ASTN2: variants seen among roughly 807,000 people sequenced by gnomAD.
ASTN2 encodes the protein astrotactin 2.
A neutral mutation model predicts 139.8 loss-of-function variants in ASTN2; 54 were observed. That is an observed-to-expected ratio of 0.39 (90% CI 0.31 to 0.48). ASTN2 has a LOEUF of 0.48. Among genes scored for constraint, ASTN2 ranks in the 20% least tolerant of loss-of-function variants. ASTN2 has a pLI of 0.95. For missense variants in ASTN2, 1,565 were observed against 1,725.1 expected, an observed-to-expected ratio of 0.91 and a Z score of 1.64; for synonymous variants, 756 against 719.5, an observed-to-expected ratio of 1.05 and a Z score of -0.81.
chr9:117,151,427 T>C (rs1246144423), intron 3 of ASTN2, among the ~76,000 whole-genome samples: 1 of 152,106 alleles, frequency 6.6e-6, no homozygotes, highest in Admixed American at 6.5e-5. Context: ...GTGGATGCTG[T>C]ATCCAGGGCC....
intron 7 of ASTN2, among the ~76,000 whole-genome samples, chr9:116,995,446 T>G (rs1458156717): frequency 2.6e-5 from 4 of 152,252 alleles, no homozygotes; most frequent in Non-Finnish European, 5.9e-5. Flanking sequence ...TCATCTTTCA[T>G]GTACTAATTC....
chr9:117,362,156 T>C (rs902354041), intron 1 of ASTN2, among the ~76,000 whole-genome samples: 2 of 152,164 alleles, frequency 1.3e-5, no homozygotes, highest in Non-Finnish European at 1.5e-5. Context: ...GAAGTTTTAA[T>C]AGAGACGGGG....
At chr9:117,351,811 G>T (rs1829399721) in intron 1 of ASTN2, among the ~76,000 whole-genome samples, 2 of 152,214 alleles carry the variant, frequency 1.3e-5, no homozygotes, top group South Asian at 2.1e-4. Flanking sequence ...TGGATGGGGG[G>T]TGCTATAGCC....
chr9:116,803,517 TATATA>T (rs1446724809), intron 13 of ASTN2, among the ~76,000 whole-genome samples: 1,467 of 7,712 alleles, frequency 0.19, 33 homozygotes, highest in Non-Finnish European at 0.23. Context: ...TATATATATA[TATATA>T]TTTTTTTTTT....
intron 1 of ASTN2, among the ~76,000 whole-genome samples, chr9:117,378,886 G>A (rs1830193407): frequency 6.6e-6 from 1 of 152,176 alleles, no homozygotes; most frequent in Non-Finnish European, 1.5e-5. Context: ...GATCCTTCAT[G>A]AATGGTTTAG....
chr9:116,698,873 C>G lies in ASTN2; in HGVS notation c.2806+26898G>C. 6.2e-7 allele frequency: 1 copy of G among 1,614,232 alleles called. No individual in the cohort carries two copies. On this transcript the variant is annotated intron_variant, in intron 16 of 22. Coordinates refer to ENST00000313400, the MANE Select transcript of ASTN2 (RefSeq NM_001365068.1). The surrounding 1 kb of genome is among the most constrained non-coding windows in gnomAD (Gnocchi z 4.4). ...GAATGTTCAATCTTCCAGTCAGTCTCTACGTGACCAGTCAAGGTGAAGTAC... is the reference window on the plus strand; with the variant it reads ...GAATGTTCAATCTTCCAGTCAGTCTGTACGTGACCAGTCAAGGTGAAGTAC...
chr9:116,491,352 T>A (rs73657143), intron 19 of ASTN2, among the ~76,000 whole-genome samples: 3,310 of 152,318 alleles, frequency 0.022, 129 homozygotes, highest in African/African-American at 0.075. Flanking sequence ...ATAGCTGAGA[T>A]TAGAACCCCT....
intron 9 of ASTN2, 71 bp downstream of exon 9, chr9:116,976,043 C>T: frequency 6.9e-7 from 1 of 1,451,604 alleles, no homozygotes; most frequent in Non-Finnish European, 9.6e-7. Flanking sequence ...TCTAAGGATC[C>T]ATGACCACAT....
intron 11 of ASTN2, among the ~76,000 whole-genome samples, chr9:116,859,688 C>T (rs573331466): frequency 2.4e-4 from 36 of 152,314 alleles, no homozygotes; most frequent in South Asian, 6.2e-4. Flanking sequence ...TACCAGGCTA[C>T]GCCCATGAGT....
intron 3 of ASTN2, among the ~76,000 whole-genome samples, chr9:117,175,256 T>A (rs1217842952): frequency 1.3e-5 from 2 of 152,134 alleles, no homozygotes; most frequent in African/African-American, 4.8e-5. Flanking sequence ...AAGTCTGTGA[T>A]ATATGTATAG....
chr9:116,737,879 G>A (rs1350260903), intron 13 of ASTN2, among the ~76,000 whole-genome samples: 1 of 152,136 alleles, frequency 6.6e-6, no homozygotes, highest in South Asian at 2.1e-4. Context: ...GCGGGGGAAG[G>A]TTGGAAGAGG....
At chr9:116,516,154 T>G (rs1850639457) in intron 19 of ASTN2, among the ~76,000 whole-genome samples, 2 of 152,160 alleles carry the variant, frequency 1.3e-5, no homozygotes, top group African/African-American at 4.8e-5. Context: ...ACCTGGAAAC[T>G]TCCAGGGGAA....
chr9:116,655,206 A>G (rs1858141672), intron 16 of ASTN2, among the ~76,000 whole-genome samples: 1 of 152,202 alleles, frequency 6.6e-6, no homozygotes, highest in South Asian at 2.1e-4. Context: ...TATGATCTAG[A>G]TGAGAGTTAA....
chr9:116,820,599 T>C lies in ASTN2; in HGVS notation c.2207+18A>G. The C allele has an allele frequency of 1.2e-6, 2 of 1,610,276 alleles. No individual in the cohort carries two copies. The highest frequency in any genetic ancestry group is 1.1e-5 in the South Asian group (1 of 90,486). ...CTTCTGTAAATGGGGCACCTGGGCC[T>C]TGGGGACAGAGACTCACCCGCAGAA... On this transcript the variant is annotated intron_variant, in intron 12 of 22. Transcript: ENST00000313400.
At chr9:117,355,838 G>C (rs1020008071) in intron 1 of ASTN2, among the ~76,000 whole-genome samples, 1 of 152,150 alleles carries the variant, frequency 6.6e-6, no homozygotes, top group Non-Finnish European at 1.5e-5. Flanking sequence ...GGGGACATGG[G>C]AGCAGCTCAG....
At chr9:117,349,804 A>G (rs116867038) in intron 1 of ASTN2, among the ~76,000 whole-genome samples, 1,896 of 152,340 alleles carry the variant, frequency 0.012, 21 homozygotes, top group Non-Finnish European at 0.021. Flanking sequence ...CCCTGATATG[A>G]TATGATACAA....
intron 10 of ASTN2, among the ~76,000 whole-genome samples, chr9:116,942,001 A>AG (rs1835248240): frequency 6.6e-6 from 1 of 151,854 alleles, no homozygotes; most frequent in Admixed American, 6.6e-5. Context: ...AAAAAAAAAA[A>AG]AAAAGTCCCT....
intron 19 of ASTN2, among the ~76,000 whole-genome samples, chr9:116,507,325 A>T (rs1217640173): frequency 1.3e-5 from 2 of 152,176 alleles, no homozygotes; most frequent in Non-Finnish European, 2.9e-5. Flanking sequence ...AAGACCAATT[A>T]AGTGAATCTC....
At chr9:116,760,296 T>C (rs1405434297) in intron 13 of ASTN2, among the ~76,000 whole-genome samples, 3 of 152,174 alleles carry the variant, frequency 2.0e-5, no homozygotes, top group African/African-American at 7.2e-5. Context: ...AGACTATTTT[T>C]TGAACAGAGA....
Sources: gnomAD v4.1 joint callset for allele counts (sites outside exome capture counted in the v4.1 genomes callset) on GRCh38, gnomAD v4.1.1 for gene constraint, Gnocchi (gnomAD v3.1) non-coding constraint, MANE v1.5 for transcripts, NCBI Gene and HGNC (gene_info 2026-07-23, HGNC 2026-07-21) for gene names.